INVS: variants seen among roughly 807,000 people sequenced by gnomAD.
INVS encodes inversion of embryo turning homolog.
Under a neutral mutation model 108.8 loss-of-function variants are expected in INVS, and 86 were observed. The observed-to-expected ratio is 0.79, with a 90% CI of 0.66 to 0.95. The LOEUF is 0.95. Among genes scored for constraint, INVS ranks in the 40% least tolerant of loss-of-function variants. The pLI is 0.00. For missense variants in INVS, 1,169 were observed against 1,297.4 expected (o/e 0.90, Z 1.52); for synonymous variants, 455 against 473.5 (o/e 0.96, Z 0.51).
chr9:100,279,511 A>G (rs1010568457), intron 12 of INVS, among the ~76,000 whole-genome samples: 1 of 152,220 alleles, frequency 6.6e-6, no homozygotes, highest in African/African-American at 2.4e-5. Context: ...TATCAATTCT[A>G]TAATATAATT....
intron 2 of INVS, among the ~76,000 whole-genome samples, chr9:100,111,861 A>G (rs1827346012): frequency 6.6e-6 from 1 of 152,166 alleles, no homozygotes; most frequent in African/African-American, 2.4e-5. Flanking sequence ...CCCAGAACCT[A>G]ATGGTACCCT....
At chr9:100,271,247 C>T (rs896490753) in intron 11 of INVS, among the ~76,000 whole-genome samples, 1 of 152,144 alleles carries the variant, frequency 6.6e-6, no homozygotes, top group African/African-American at 2.4e-5. Flanking sequence ...TGGAACATGC[C>T]ATAATAACTC....
intron 5 of INVS, among the ~76,000 whole-genome samples, chr9:100,239,501 A>G (rs1831796249): frequency 6.6e-6 from 1 of 152,222 alleles, no homozygotes; most frequent in Non-Finnish European, 1.5e-5. Context: ...TATCAGGCAA[A>G]ATGTTGACAC....
At chr9:100,292,296 T>G (rs754515487) in intron 13 of INVS, 30 bp from the exon 14 acceptor site, 2 of 1,582,902 alleles carry the variant, frequency 1.3e-6, no homozygotes, top group Non-Finnish European at 1.7e-6. Flanking sequence ...CTGCAAGTTT[T>G]GGACAATATT....
intron 3 of INVS, among the ~76,000 whole-genome samples, chr9:100,165,622 TATC>T (rs1438789667): frequency 2.0e-5 from 3 of 152,172 alleles, no homozygotes; most frequent in Non-Finnish European, 4.4e-5. Flanking sequence ...TCATTTTTAA[TATC>T]ATTATGAACA....
intron 10 of INVS, among the ~76,000 whole-genome samples, chr9:100,253,828 G>T (rs1229546961): frequency 6.6e-6 from 1 of 152,102 alleles, no homozygotes; most frequent in African/African-American, 2.4e-5. Flanking sequence ...ATGTACATTT[G>T]GGTTGGTTCC....
At chr9:100,113,837 A>G (rs1156352571) in intron 2 of INVS, among the ~76,000 whole-genome samples, 1 of 152,178 alleles carries the variant, frequency 6.6e-6, no homozygotes, top group Admixed American at 6.5e-5. Context: ...CCTTATATCT[A>G]ACTGTACCCA....
intron 3 of INVS, among the ~76,000 whole-genome samples, chr9:100,142,582 C>T (rs544745502): frequency 4.0e-4 from 61 of 152,128 alleles, no homozygotes; most frequent in African/African-American, 1.3e-3. Context: ...GGTTGAAGTC[C>T]GTGCCAGGAA....
chr9:100,237,368 G>T lies in INVS; in HGVS notation c.616-2692G>T, dbSNP rs1831720215. On this transcript the variant is annotated intron_variant, in intron 5 of 16. Transcript: ENST00000262457. ...AGCCCCCTTTCCAGTGGAGTGAACG[G>T]TTTTGTTTCCCTGGGGTTCCAGGTG... Among the ~76,000 whole-genome samples, 4 of 152,110 alleles carry T rather than the reference G, an allele frequency of 2.6e-5. No individual in the cohort carries two copies. The South Asian group carries it at 8.3e-4, about 31-fold the overall frequency.
At chr9:100,288,770 G>A (rs950880206) in intron 13 of INVS, among the ~76,000 whole-genome samples, 2 of 151,936 alleles carry the variant, frequency 1.3e-5, no homozygotes, top group Non-Finnish European at 2.9e-5. Context: ...ATAGGTGTGC[G>A]CTACCATGCC....
At chr9:100,198,264 A>ATTTTTTTTTTTTT (rs66710233) in intron 3 of INVS, among the ~76,000 whole-genome samples, 4 of 65,286 alleles carry the variant, frequency 6.1e-5, no homozygotes, top group Non-Finnish European at 5.6e-5. Flanking sequence ...GAGGGCTAGA[A>ATTTTTTTTTTTTT]TTTTTTTTTT....
chr9:100,252,440 T>G lies in INVS; in HGVS notation c.1234+2T>G, dbSNP rs985435686. 2.5e-6 allele frequency: 4 copies of G among 1,613,574 alleles called. No individual in the cohort carries two copies. In the African/African-American group the frequency reaches 4.0e-5, roughly 16 times the overall value. The stretch of plus-strand genomic sequence containing the variant: ...ATGTGATTCAGACACTCATTAAAGG[T>G]GGGCTAATAAGAGTACTCCTAATAA... On this transcript the variant is annotated splice_donor_variant, in intron 9 of 16. Coordinates refer to ENST00000262457, the MANE Select transcript of INVS (RefSeq NM_014425.5). LOFTEE classifies it high-confidence loss of function.
chr9:100,264,559 A>G lies in INVS; in HGVS notation c.1465-263A>G, dbSNP rs566738017. On this transcript the variant is annotated intron_variant, in intron 10 of 16. Coordinates refer to ENST00000262457, the MANE Select transcript of INVS (RefSeq NM_014425.5). ...CTTGCACCTGGGAGGTGGAGGTTGCAGTGAGCTGAGATCTCACCATTGCAC... is the reference window on the plus strand; with the variant it reads ...CTTGCACCTGGGAGGTGGAGGTTGCGGTGAGCTGAGATCTCACCATTGCAC... Among the ~76,000 whole-genome samples the G allele has an allele frequency of 2.6e-5, 4 of 151,580 alleles. No individual in the cohort carries two copies. The South Asian group carries it at 8.3e-4, about 32-fold the overall frequency.
chr9:100,219,150 T>G (rs1448966581), intron 3 of INVS, among the ~76,000 whole-genome samples: 2 of 151,552 alleles, frequency 1.3e-5, no homozygotes, highest in Non-Finnish European at 2.9e-5. Flanking sequence ...AACCAAGAAT[T>G]AGTATCCAGA....
At chr9:100,285,568 G>A (rs918064230) in intron 13 of INVS, among the ~76,000 whole-genome samples, 4 of 152,158 alleles carry the variant, frequency 2.6e-5, no homozygotes, top group Non-Finnish European at 5.9e-5. Flanking sequence ...ATAACAAAGG[G>A]ACACAAAGCA....
intron 5 of INVS, among the ~76,000 whole-genome samples, chr9:100,231,357 A>C (rs1831506281): frequency 6.6e-6 from 1 of 151,834 alleles, no homozygotes; most frequent in African/African-American, 2.4e-5. Flanking sequence ...TATAGTTCTT[A>C]GATTTTTTTT....
chr9:100,140,817 A>G (rs1178256737), intron 3 of INVS, among the ~76,000 whole-genome samples: 1 of 152,134 alleles, frequency 6.6e-6, no homozygotes, highest in Non-Finnish European at 1.5e-5. Flanking sequence ...AACGTTCGTC[A>G]TTTAGAATTA....
chr9:100,191,373 C>T lies in INVS; in HGVS notation c.274-34689C>T, dbSNP rs549081723. ...TATGTTTTGGAGACTTTATTCATTT[C>T]TTTTAATTATATTTTCTTTACTCTT... is the stretch of plus-strand genomic sequence containing the variant. On this transcript the variant is annotated intron_variant, in intron 3 of 16. Coordinates refer to ENST00000262457, the MANE Select transcript of INVS (RefSeq NM_014425.5). 2.0e-3 allele frequency among the ~76,000 whole-genome samples: 299 copies of T among 152,226 alleles called. 2 individuals are homozygous for T. Among genetic ancestry groups the T allele is most frequent in the Non-Finnish European group, 3.3e-3 (225 of 67,990 alleles).
chr9:100,244,376 A>G (rs1392858205), intron 7 of INVS, among the ~76,000 whole-genome samples: 1 of 152,196 alleles, frequency 6.6e-6, no homozygotes, highest in Non-Finnish European at 1.5e-5. Flanking sequence ...AAGTCATGTT[A>G]TCCCCTGTTT....
Sources: allele counts gnomAD v4.1 joint callset (sites outside exome capture counted in the v4.1 genomes callset), GRCh38; gene constraint gnomAD v4.1.1; transcripts MANE v1.5; gene names NCBI Gene and HGNC (gene_info 2026-07-23, HGNC 2026-07-21).